CBX7: variants seen among roughly 807,000 people sequenced by gnomAD.
CBX7 encodes chromobox 7.
Under a neutral mutation model 31.4 loss-of-function variants are expected in CBX7, and 14 were observed. The ratio of observed to expected loss-of-function variants is 0.45; its 90% CI spans 0.29 to 0.70. The LOEUF (loss-of-function observed/expected upper bound fraction) is 0.70. Ranked by LOEUF, CBX7 falls within the 30% of genes least tolerant of loss-of-function variation. The pLI is 0.11. For missense variants in CBX7, 269 were observed against 351.9 expected (o/e 0.76, Z 1.89); for synonymous variants, 159 against 152.6 (o/e 1.04, Z -0.31).
chr22:39,134,920 A>G, intron 4 of CBX7, 168 bp from the exon 5 acceptor site: 1 of 590,006 alleles, frequency 1.7e-6, no homozygotes, highest in South Asian at 2.2e-5. Flanking sequence ...CAGCCCAGAG[A>G]GTGCGCCCCG....
intron 2 of CBX7, among the ~76,000 whole-genome samples, chr22:39,145,785 A>T (rs896530414): frequency 6.9e-6 from 1 of 145,146 alleles, no homozygotes; most frequent in East Asian, 2.2e-4. Context: ...CGGCCACGTG[A>T]CCTCCCCGCC....
At chr22:39,151,566 G>C (rs1159665575) in intron 1 of CBX7, among the ~76,000 whole-genome samples, 2 of 152,218 alleles carry the variant, frequency 1.3e-5, no homozygotes, top group Non-Finnish European at 2.9e-5. Flanking sequence ...CAGGGAGGAG[G>C]AGACAAAGGA....
At chr22:39,138,438 G>A (rs1000535206) in intron 4 of CBX7, among the ~76,000 whole-genome samples, 198 bp downstream of exon 4, 2 of 152,090 alleles carry the variant, frequency 1.3e-5, no homozygotes, top group East Asian at 1.9e-4. Flanking sequence ...TGTCTTCCCC[G>A]GGCACCAGCC....
intron 2 of CBX7, among the ~76,000 whole-genome samples, chr22:39,142,464 G>A (rs781010613): frequency 7.9e-5 from 12 of 152,254 alleles, no homozygotes; most frequent in Admixed American, 2.0e-4. Flanking sequence ...GCAGGCCCCC[G>A]GGTAATGCTA....
intron 4 of CBX7, chr22:39,136,793 G>A (rs545782668): frequency 1.4e-4 from 21 of 152,396 alleles, no homozygotes; most frequent in African/African-American, 4.8e-4. Context: ...GTATGTGGAT[G>A]GAGTATATTC....
intron 1 of CBX7, 138 bp from the exon 2 acceptor site, chr22:39,149,970 C>T (rs1930795101): frequency 2.4e-5 from 17 of 719,398 alleles, no homozygotes; most frequent in South Asian, 2.3e-4. Flanking sequence ...AAACACAATC[C>T]GGGGACTGTC....
Position 39,152,292 on chromosome 22 carries a change from C to CA in CBX7, c.69+83_69+84insT. On this transcript the variant is annotated intron_variant, in intron 1 of 5. Coordinates refer to ENST00000216133, the MANE Select transcript of CBX7 (RefSeq NM_175709.5). This position sits in a 1 kb window ranked among gnomAD's most constrained non-coding sequence, Gnocchi z 4.9. ...CGGGGCCCCCGCGCCCCGCTTTCCC[C>CA]TTCAGCCCCAGCGTGGAGGGAGCGG... The CA allele has an allele frequency of 1.1e-6, 1 of 931,862 alleles. No individual in the cohort carries two copies. Among genetic ancestry groups the CA allele is most frequent in the South Asian group, 3.1e-5 (1 of 32,080 alleles). 57.7% of individuals were successfully genotyped at this position (931,862 alleles called of 1,614,324 possible). A position where few individuals can be genotyped will look rare whatever the true frequency, so the allele number is the denominator to read the frequency against.
At position 39,132,229 on chromosome 22, in the gene CBX7, G is replaced by A. The variant is rs1930068121; in HGVS notation, c.*1662C>T. 1 of 152,310 alleles carries A rather than the reference G, an allele frequency of 6.6e-6. No individual in the cohort carries two copies. The highest frequency in any genetic ancestry group is 6.5e-5 in the Admixed American group (1 of 15,288). The allele number at this position is 152,310 out of a possible 1,614,324, so 9.4% of individuals were successfully genotyped here. ...GGCTGTCTTTGGTTTGGGAACCAGG[G>A]AAGAAGGGATTTGGGGAAAGAATCA... On this transcript the variant is annotated 3_prime_UTR_variant, in exon 6 of 6. Coordinates refer to ENST00000216133, the MANE Select transcript of CBX7 (RefSeq NM_175709.5).
At chr22:39,143,782 T>C (rs1283101621) in intron 2 of CBX7, among the ~76,000 whole-genome samples, 1 of 152,252 alleles carries the variant, frequency 6.6e-6, no homozygotes, top group Non-Finnish European at 1.5e-5. Context: ...CTGTGCATGC[T>C]TGTAGCCTGG....
At chr22:39,142,804 T>C (rs1024225851) in intron 2 of CBX7, among the ~76,000 whole-genome samples, 7 of 152,030 alleles carry the variant, frequency 4.6e-5, no homozygotes, top group Admixed American at 3.9e-4. Flanking sequence ...CGTGACGGCC[T>C]GCGCATGTAA....
At chr22:39,142,727 G>A (rs4821870) in intron 2 of CBX7, among the ~76,000 whole-genome samples, 91 of 152,314 alleles carry the variant, frequency 6.0e-4, no homozygotes, top group Middle Eastern at 3.4e-3. Flanking sequence ...CACCATCGAC[G>A]CAAACATAAA....
chr22:39,149,961 A>G (rs749070997), intron 1 of CBX7, 129 bp from the exon 2 acceptor site: 13 of 752,966 alleles, frequency 1.7e-5, no homozygotes, highest in Non-Finnish European at 2.6e-5. Context: ...CCAACACACA[A>G]ACACAATCCG....
chr22:39,134,198 C>T, intron 5 of CBX7, 150 bp from the exon 6 acceptor site: 3 of 890,142 alleles, frequency 3.4e-6, no homozygotes, highest in Non-Finnish European at 5.0e-6. Context: ...GAGGAGGGCA[C>T]TGGGTGCATC....
Position 39,133,838 on chromosome 22 carries a change from A to G in CBX7, c.*53T>C. 6.7e-7 allele frequency: 1 copy of G among 1,487,950 alleles called. No individual in the cohort carries two copies. The highest frequency in any genetic ancestry group is 9.0e-7 in the Non-Finnish European group (1 of 1,106,328). The allele number at this position is 1,487,950 out of a possible 1,614,324, so 92.2% of individuals were successfully genotyped here. ...CCCCCAACCCATCCCTATCTCTGGA[A>G]GTCCCACCCCAAGCCCAAAAGAAAA... is the stretch of plus-strand genomic sequence containing the variant. On this transcript the variant is annotated 3_prime_UTR_variant, in exon 6 of 6. Coordinates refer to ENST00000216133, the MANE Select transcript of CBX7 (RefSeq NM_175709.5).
intron 1 of CBX7, among the ~76,000 whole-genome samples, chr22:39,150,982 G>A (rs897130408): frequency 3.9e-5 from 6 of 152,158 alleles, no homozygotes; most frequent in Non-Finnish European, 7.3e-5. Context: ...ACTGTGTGCC[G>A]CCTCTGCAGA....
At chr22:39,141,745 A>C (rs74586117) in intron 2 of CBX7, among the ~76,000 whole-genome samples, 1 of 136,604 alleles carries the variant, frequency 7.3e-6, no homozygotes, top group Non-Finnish European at 1.7e-5. Flanking sequence ...TAAGACTCTA[A>C]AAAAAAAAAA....
In CBX7 at chr22:39,134,596, G is replaced by A. The variant is rs370683851; in HGVS notation, c.403C>T (p.Leu135=). 5.1e-5 allele frequency: 82 copies of A among 1,592,592 alleles called. No individual in the cohort carries two copies. Among genetic ancestry groups the A allele is most frequent in the Middle Eastern group, 1.7e-4 (1 of 6,036 alleles). The change falls in exon 5 of 6, where the codon CTG becomes TTG. Residue 135 remains leucine, a synonymous_variant. Transcript: ENST00000216133. ...CGGGGCTTGCGGAGCGGGAAGGGCA[G>A]GGTGGGCACCAAGGGGCCCTTGTCC... is the stretch of plus-strand genomic sequence containing the variant. ...LVDKGPLVPT[L]PFPLRKPRKA...
At chr22:39,147,597 TC>T (rs1930706883) in intron 2 of CBX7, 1 of 145,956 alleles carries the variant, frequency 6.9e-6, no homozygotes, top group South Asian at 2.2e-4. Flanking sequence ...CAGAGCTGGC[TC>T]CCCTGCTTCT....
intron 4 of CBX7, 132 bp from the exon 5 acceptor site, chr22:39,134,884 C>T (rs771296549): frequency 1.7e-5 from 11 of 656,300 alleles, no homozygotes; most frequent in South Asian, 4.0e-5. Context: ...TCCCATGCCA[C>T]GGCTGGCCAT....
Sources: gnomAD v4.1 joint callset for allele counts (sites outside exome capture counted in the v4.1 genomes callset) on GRCh38, gnomAD v4.1.1 for gene constraint, Gnocchi (gnomAD v3.1) non-coding constraint, MANE v1.5 for transcripts, NCBI Gene and HGNC (gene_info 2026-07-23, HGNC 2026-07-21) for gene names.